NAV2: variants seen among roughly 807,000 people sequenced by gnomAD.
NAV2 encodes helicase, APC down-regulated 1.
NAV2 carries 54 observed loss-of-function variants against 223.2 expected under a neutral mutation model. That is an observed-to-expected ratio of 0.24 (90% CI 0.19 to 0.30). The LOEUF is 0.30. NAV2 is among the 10% of genes least tolerant of loss of function. The pLI is 1.00. For synonymous variants in NAV2, 1,279 were observed against 1,239.3 expected, an observed-to-expected ratio of 1.03 and a Z score of -0.67; for missense variants, 2,806 against 3,147.5, an observed-to-expected ratio of 0.89 and a Z score of 2.60.
At chr11:19,606,357 A>G (rs771933663) in intron 1 of NAV2, among the ~76,000 whole-genome samples, 54 of 152,190 alleles carry the variant, frequency 3.5e-4, no homozygotes, top group Non-Finnish European at 6.6e-4. Context: ...TACACTACTC[A>G]TTTATAGATA....
intron 1 of NAV2, among the ~76,000 whole-genome samples, chr11:19,811,213 G>C (rs1486897121): frequency 6.6e-6 from 1 of 152,150 alleles, no homozygotes; most frequent in Non-Finnish European, 1.5e-5. Flanking sequence ...TTCTGTTGTG[G>C]AGTTCCTGCT....
chr11:19,774,155 C>T (rs1057223188), intron 1 of NAV2, among the ~76,000 whole-genome samples: 8 of 152,328 alleles, frequency 5.3e-5, no homozygotes, highest in African/African-American at 1.7e-4. Context: ...TCCTTCCATG[C>T]TCCCCAGCCT....
chr11:20,025,867 A>T (rs778465651), intron 11 of NAV2, among the ~76,000 whole-genome samples: 1 of 152,294 alleles, frequency 6.6e-6, no homozygotes, highest in South Asian at 2.1e-4. Context: ...GTAGGCCTGC[A>T]TCTCCTTCCT....
chr11:19,408,846 A>G (rs1850018255), intron 1 of NAV2, among the ~76,000 whole-genome samples: 1 of 151,732 alleles, frequency 6.6e-6, no homozygotes, highest in South Asian at 2.1e-4. Flanking sequence ...AATACTCCAA[A>G]CTGAAGACAG....
intron 1 of NAV2, among the ~76,000 whole-genome samples, chr11:19,556,609 A>G (rs1004344782): frequency 2.6e-5 from 4 of 152,262 alleles, no homozygotes; most frequent in African/African-American, 7.2e-5. Flanking sequence ...TGAAATACAG[A>G]TATCAAAATG....
intron 1 of NAV2, among the ~76,000 whole-genome samples, chr11:19,624,705 G>A (rs2047111804): frequency 6.6e-6 from 1 of 152,164 alleles, no homozygotes; most frequent in African/African-American, 2.4e-5. Flanking sequence ...GTGCTTCCTG[G>A]GTGAGGCGAT....
intron 1 of NAV2, among the ~76,000 whole-genome samples, chr11:19,652,133 A>C (rs750257353): frequency 6.6e-6 from 1 of 152,168 alleles, no homozygotes; most frequent in Non-Finnish European, 1.5e-5. Context: ...AATGAAGCCT[A>C]TTAGAAAAAA....
intron 1 of NAV2, among the ~76,000 whole-genome samples, chr11:19,430,642 C>T (rs1851006597): frequency 6.6e-6 from 1 of 152,230 alleles, no homozygotes; most frequent in South Asian, 2.1e-4. Context: ...TCACTTTGGC[C>T]TGCTTCACTA....
At chr11:19,513,515 G>A (rs1224456829) in intron 1 of NAV2, among the ~76,000 whole-genome samples, 1 of 152,152 alleles carries the variant, frequency 6.6e-6, no homozygotes, top group Admixed American at 6.5e-5. Context: ...GGCCTAAGGG[G>A]ATCTAGTGGT....
intron 1 of NAV2, among the ~76,000 whole-genome samples, chr11:19,487,797 T>C (rs1394384385): frequency 6.6e-6 from 1 of 152,146 alleles, no homozygotes; most frequent in African/African-American, 2.4e-5. Context: ...TGGGACCCTG[T>C]ACCTCAGAAG....
chr11:20,084,802 C>T (rs970688366), intron 26 of NAV2, among the ~76,000 whole-genome samples: 1 of 152,160 alleles, frequency 6.6e-6, no homozygotes, highest in Non-Finnish European at 1.5e-5. Flanking sequence ...GAAAAAGGAA[C>T]TCATCATGTC....
intron 3 of NAV2, among the ~76,000 whole-genome samples, chr11:19,852,500 A>G (rs775619791): frequency 6.6e-6 from 1 of 152,220 alleles, no homozygotes; most frequent in Non-Finnish European, 1.5e-5. Flanking sequence ...CTAAGCTGTC[A>G]TGGGAGAGGC....
At chr11:19,860,246 C>G (rs1241649406) in intron 3 of NAV2, among the ~76,000 whole-genome samples, 1 of 144,960 alleles carries the variant, frequency 6.9e-6, no homozygotes, top group Non-Finnish European at 1.5e-5. Context: ...GGGTGGCTGC[C>G]GGGCAGAGGG....
intron 1 of NAV2, among the ~76,000 whole-genome samples, chr11:19,784,388 T>TA (rs1162911472): frequency 0.05 from 2,562 of 50,938 alleles, 212 homozygotes; most frequent in African/African-American, 0.12. Context: ...AGCTCCATCT[T>TA]AAAAAAAAAA....
At chr11:19,778,368 A>G (rs1387512035) in intron 1 of NAV2, 3 of 455,416 alleles carry the variant, frequency 6.6e-6, no homozygotes, top group African/African-American at 6.0e-5. Context: ...ACCTTGTAGA[A>G]CTAGTGCCAG....
At chr11:20,101,277 G>A in intron 32 of NAV2, 105 bp downstream of exon 32, 2 of 947,948 alleles carry the variant, frequency 2.1e-6, no homozygotes, top group Non-Finnish European at 3.2e-6. Flanking sequence ...ACAATCCTTG[G>A]GTGGTTTTAG....
At chr11:19,756,791 G>GT (rs1317382163) in intron 1 of NAV2, among the ~76,000 whole-genome samples, 1 of 152,216 alleles carries the variant, frequency 6.6e-6, no homozygotes, top group Non-Finnish European at 1.5e-5. Flanking sequence ...CAGGGCGCCA[G>GT]TTTCTTTTTG....
rs188750077 is a variant in NAV2, at chr11:20,028,193, T to C, written c.2769-7766T>C. ...TGACATGATTTATGCTTCTTTCACCTGCATTTTTTCATAGCAAATCGCTTG... is the reference window on the plus strand; with the variant it reads ...TGACATGATTTATGCTTCTTTCACCCGCATTTTTTCATAGCAAATCGCTTG... On this transcript the variant is annotated intron_variant, in intron 11 of 37. Coordinates refer to ENST00000349880, the MANE Select transcript of NAV2 (RefSeq NM_145117.5). Among the ~76,000 whole-genome samples, 15 of 152,364 alleles carry C rather than the reference T, an allele frequency of 9.8e-5. No individual in the cohort carries two copies. The East Asian group carries it at 2.9e-3, about 29-fold the overall frequency.
Position 20,103,351 on chromosome 11 carries a change from C to A in NAV2, c.6514C>A (p.His2172Asn). The A allele has an allele frequency of 1.2e-6, 2 of 1,614,158 alleles. No homozygotes were observed. The highest frequency in any genetic ancestry group is 1.3e-5 in the African/African-American group (1 of 75,052). ...CGTCATCATCCTGGACAACCTACAC[C>A]ACGTGAGCTCTCTGGGAGAGATCTT... ...PLVIILDNLH[H>N]VSSLGEIFNG... Residue 2172 changes from histidine (H) to asparagine (N), a missense_variant, in exon 33 of 38, where the codon CAC becomes AAC. His to Asn is a moderately conservative substitution (Grantham distance 68). Coordinates refer to ENST00000349880, the MANE Select transcript of NAV2 (RefSeq NM_145117.5).
Sources: allele counts gnomAD v4.1 joint callset (sites outside exome capture counted in the v4.1 genomes callset), GRCh38; gene constraint gnomAD v4.1.1; transcripts MANE v1.5; gene names NCBI Gene and HGNC (gene_info 2026-07-23, HGNC 2026-07-21).